The following DYNC2LI1 variants were observed in gnomAD, a reference collection of about 807,000 sequenced individuals.
DYNC2LI1 encodes the protein dynein cytoplasmic 2 light intermediate chain 1, also known as cytoplasmic dynein 2 light intermediate chain 1.
In DYNC2LI1, 45 loss-of-function variants were observed where a neutral mutation model predicts 51.9. The ratio of observed to expected loss-of-function variants is 0.87; its 90% CI spans 0.68 to 1.11. DYNC2LI1 has a LOEUF of 1.11. DYNC2LI1 is among the 50% of genes most tolerant of loss of function. The pLI is 0.00. For missense variants in DYNC2LI1, 490 were observed against 417.4 expected (o/e 1.17, Z -1.51); for synonymous variants, 130 against 137.8 (o/e 0.94, Z 0.40).
chr2:43,795,025 A>G, intron 6 of DYNC2LI1: 1 of 1,106,910 alleles, frequency 9.0e-7, no homozygotes, highest in Non-Finnish European at 1.1e-6. Flanking sequence ...GTAGAGTTGT[A>G]ATAGCCTTCA....
the DYNC2LI1 span, among the ~76,000 whole-genome samples, chr2:43,827,298 C>A: frequency 0.23 from 33,709 of 148,864 alleles, 5,115 homozygotes; most frequent in East Asian, 0.81. Flanking sequence ...GCACTCCAGC[C>A]TGGGCAACAA....
At chr2:43,822,232 T>C in the DYNC2LI1 span, among the ~76,000 whole-genome samples, 1 of 152,176 alleles carries the variant, frequency 6.6e-6, no homozygotes, top group Non-Finnish European at 1.5e-5. Flanking sequence ...AAGCTCTTTT[T>C]TGGGAAATTG....
At chr2:43,795,822 A>C in intron 6 of DYNC2LI1, 68 bp from the exon 7 acceptor site, 1 of 1,190,846 alleles carries the variant, frequency 8.4e-7, no homozygotes, top group East Asian at 2.3e-5. Context: ...TTTTGGAAGT[A>C]AATAGAAATT....
At position 43,794,577 on chromosome 2, in the gene DYNC2LI1, G is replaced by C; in HGVS notation, c.441G>C (p.Lys147Asn). 6.2e-7 allele frequency: 1 copy of C among 1,614,062 alleles called. No individual in the cohort carries two copies. ...ACAAAGTGATAATGAAACTGGGAAA[G>C]ACAAATGCTAAAGCAGTTTCTGAAA... ...HVDKVIMKLG[K>N]TNAKAVSEMR... Residue 147 changes from lysine to asparagine, a missense_variant, in exon 6 of 13, where the codon AAG becomes AAC. Coordinates refer to ENST00000260605, the MANE Select transcript of DYNC2LI1 (RefSeq NM_016008.4).
At position 43,804,700 on chromosome 2, in the gene DYNC2LI1, G is replaced by T. The variant is rs146240965; in HGVS notation, c.861G>T (p.Glu287Asp). 4.7e-4 allele frequency: 751 copies of T among 1,606,176 alleles called. 1 individual carries two copies. Among genetic ancestry groups the T allele is most frequent in the Non-Finnish European group, 5.9e-4 (693 of 1,177,300 alleles). Residue 287 changes from glutamate (E) to aspartate (D), a missense_variant, in exon 11 of 13, where the codon GAG (glutamate) becomes GAT (aspartate). Transcript: ENST00000260605. ...AGCTTCATGCCCACTCACCTATGGA[G>T]TTGTGGAAAAAAGTGTATGAAAAGC... The part of the protein sequence containing the change: ...IGKLHAHSPM[E>D]LWKKVYEKLF...
rs142412169 is a variant in DYNC2LI1, at chr2:43,804,713, G to A, written c.874G>A (p.Val292Met). Residue 292 changes from valine (V) to methionine (M), a missense_variant, in exon 11 of 13, where the codon GTG becomes ATG. Physicochemically the swap from Val to Met is conservative, Grantham distance 21. Transcript: ENST00000260605. ...CTCACCTATGGAGTTGTGGAAAAAA[G>A]TGTATGAAAAGCTCTTTCCACCAAA... ...AHSPMELWKK[V>M]YEKLFPPKSI... The A allele has an allele frequency of 2.0e-4, 315 of 1,603,264 alleles. 1 individual carries two copies. The Middle Eastern group carries it at 4.5e-3, about 23-fold the overall frequency.
chr2:43,822,477 G>GCCCC, the DYNC2LI1 span: 166 of 349,842 alleles, frequency 4.7e-4, 1 homozygote, highest in African/African-American at 4.9e-3. Flanking sequence ...CCCTCCCCCA[G>GCCCC]GCCCCCCCCC....
At chr2:43,798,917 G>GT (rs11311292) in intron 8 of DYNC2LI1, among the ~76,000 whole-genome samples, 145 of 145,938 alleles carry the variant, frequency 9.9e-4, no homozygotes, top group South Asian at 1.5e-3. Flanking sequence ...ATTTAGCAGG[G>GT]TTTTTTTTTT....
the DYNC2LI1 span, among the ~76,000 whole-genome samples, chr2:43,821,055 A>G: frequency 7.2e-5 from 11 of 152,190 alleles, no homozygotes; most frequent in Non-Finnish European, 1.6e-4. Context: ...CGTATCTTCA[A>G]TGACCATTAG....
intron 2 of DYNC2LI1, among the ~76,000 whole-genome samples, chr2:43,778,548 T>A (rs1378641323): frequency 2.6e-5 from 4 of 152,234 alleles, no homozygotes; most frequent in Non-Finnish European, 5.9e-5. Flanking sequence ...TACTGCCATG[T>A]AGGTACATAC....
intron 10 of DYNC2LI1, 30 bp downstream of exon 10, chr2:43,801,739 T>C: frequency 6.6e-7 from 1 of 1,516,978 alleles, no homozygotes; most frequent in Non-Finnish European, 9.1e-7. Flanking sequence ...TTGTTCAATC[T>C]TTTTTTAATT....
chr2:43,781,138 G>A (rs1352545608), intron 2 of DYNC2LI1, among the ~76,000 whole-genome samples: 2 of 152,044 alleles, frequency 1.3e-5, no homozygotes, highest in African/African-American at 2.4e-5. Flanking sequence ...AGGCTGAGGT[G>A]GGAAGATCAC....
chr2:43,787,798 T>G lies in DYNC2LI1; in HGVS notation c.231+548T>G, dbSNP rs116152885. ...GGGTGGGGAATTCCTAAATAGAATC[T>G]TTTTGGAGTTGTCACCTGAAAAGAG... is the stretch of plus-strand genomic sequence containing the variant. On this transcript the variant is annotated intron_variant, in intron 4 of 12. Transcript: ENST00000260605. Among the ~76,000 whole-genome samples, 1,242 of 152,226 alleles carry G rather than the reference T, an allele frequency of 8.2e-3. 21 individuals carry two copies. Among genetic ancestry groups the G allele is most frequent in the African/African-American group, 0.029 (1,190 of 41,528 alleles).
At position 43,787,065 on chromosome 2, in the gene DYNC2LI1, G is replaced by T. The variant is rs548533349; in HGVS notation, c.162-116G>T. On this transcript the variant is annotated intron_variant, in intron 3 of 12. Coordinates refer to ENST00000260605, the MANE Select transcript of DYNC2LI1 (RefSeq NM_016008.4). ...AATTTATTTCAACGCTATTATACAA[G>T]GTAACTTCTCTACTAATAAAGTTTT... The T allele has an allele frequency of 2.8e-4, 202 of 717,474 alleles. 2 individuals are homozygous for T. The South Asian group carries it at 3.7e-3, about 13-fold the overall frequency. The allele number at this position is 717,474 out of a possible 1,614,324, so 44.4% of individuals were successfully genotyped here.
chr2:43,827,244 C>A, the DYNC2LI1 span, among the ~76,000 whole-genome samples: 1 of 150,672 alleles, frequency 6.6e-6, no homozygotes, highest in Non-Finnish European at 1.5e-5. Flanking sequence ...AGAATCGCTT[C>A]AACCTGGGAG....
At chr2:43,817,206 C>A in the DYNC2LI1 span, among the ~76,000 whole-genome samples, 4 of 152,196 alleles carry the variant, frequency 2.6e-5, no homozygotes, top group African/African-American at 7.2e-5. Context: ...AATTAACCAC[C>A]AGGTATAGTG....
rs773017906 is a variant in DYNC2LI1 at position 43,778,814 on chromosome 2, G to C, written c.126+1915G>C. 3.6e-4 allele frequency among the ~76,000 whole-genome samples: 54 copies of C among 151,822 alleles called. 2 individuals are homozygous for C. The highest frequency in any genetic ancestry group is 3.2e-3 in the Middle Eastern group (1 of 316). ...TTGTCTTGTTTTGTTTTGTTTTTTTGTTACTTGTGAAACCACCCCTTTTTC... is the reference window on the plus strand; with the variant it reads ...TTGTCTTGTTTTGTTTTGTTTTTTTCTTACTTGTGAAACCACCCCTTTTTC... On this transcript the variant is annotated intron_variant, in intron 2 of 12. Transcript: ENST00000260605.
At chr2:43,822,677 T>C in the DYNC2LI1 span, 38 of 1,565,388 alleles carry the variant, frequency 2.4e-5, no homozygotes, top group Admixed American at 4.3e-4. Context: ...TAGACACTGA[T>C]GGGCAAAGTG....
intron 5 of DYNC2LI1, chr2:43,792,877 C>A: frequency 7.2e-7 from 1 of 1,379,710 alleles, no homozygotes; most frequent in Non-Finnish European, 9.5e-7. Context: ...TAAACAAATA[C>A]CACAGTTCAG....
Sources: gnomAD v4.1 joint callset for allele counts (sites outside exome capture counted in the v4.1 genomes callset) on GRCh38, gnomAD v4.1.1 for gene constraint, MANE v1.5 for transcripts, NCBI Gene and HGNC (gene_info 2026-07-23, HGNC 2026-07-21) for gene names.